Variants in FOXP2 observed in about 807,000 individuals in gnomAD.
FOXP2 encodes the protein forkhead box P2, also known as forkhead box protein P2.
A neutral mutation model predicts 115.8 loss-of-function variants in FOXP2; 12 were observed. The ratio of observed to expected loss-of-function variants is 0.10; its 90% CI spans 0.07 to 0.17. The LOEUF (loss-of-function observed/expected upper bound fraction) is 0.17. FOXP2 is among the 10% of genes least tolerant of loss of function. The pLI is 1.00. For missense variants in FOXP2, 629 were observed against 843.5 expected (o/e 0.75, Z 3.15); for synonymous variants, 328 against 297.7 (o/e 1.10, Z -1.05).
intron 2 of FOXP2, among the ~76,000 whole-genome samples, chr7:114,443,073 T>G (rs1024311395): frequency 6.6e-6 from 1 of 152,174 alleles, no homozygotes; most frequent in Non-Finnish European, 1.5e-5. Flanking sequence ...TTATGGTAGG[T>G]CAGATGATGA....
intron 2 of FOXP2, among the ~76,000 whole-genome samples, chr7:114,395,694 A>T (rs1792719789): frequency 6.6e-6 from 1 of 152,088 alleles, no homozygotes. Flanking sequence ...AGAGAGCAGG[A>T]TTAAAAATTT....
intron 2 of FOXP2, among the ~76,000 whole-genome samples, chr7:114,397,993 C>A (rs1237679410): frequency 6.7e-6 from 1 of 150,088 alleles, no homozygotes; most frequent in East Asian, 2.0e-4. Flanking sequence ...TTTTTTTTTT[C>A]TTTTTTTCTC....
At chr7:114,169,253 C>G (rs545838239) in intron 1 of FOXP2, among the ~76,000 whole-genome samples, 16 of 152,322 alleles carry the variant, frequency 1.1e-4, no homozygotes, top group Middle Eastern at 3.4e-3. Context: ...CACAGTCACT[C>G]AATGCCAGCT....
intron 1 of FOXP2, among the ~76,000 whole-genome samples, chr7:114,253,173 C>T (rs918623211): frequency 6.6e-6 from 1 of 152,070 alleles, no homozygotes; most frequent in Admixed American, 6.6e-5. Context: ...GTTATAATTT[C>T]TGTTCTTTTA....
chr7:114,159,173 A>C (rs1003996862), upstream of FOXP2, among the ~76,000 whole-genome samples: 7 of 152,150 alleles, frequency 4.6e-5, no homozygotes, highest in African/African-American at 1.7e-4. Flanking sequence ...CACAAGACTG[A>C]AAAACAGGGT....
intron 1 of FOXP2, among the ~76,000 whole-genome samples, chr7:114,194,312 T>G (rs891672315): frequency 4.6e-5 from 7 of 151,836 alleles, no homozygotes; most frequent in Non-Finnish European, 1.0e-4. Flanking sequence ...TTTTTGCCTT[T>G]TCTTCTTTTA....
chr7:114,200,110 T>A (rs1794021484), intron 1 of FOXP2, among the ~76,000 whole-genome samples: 1 of 152,174 alleles, frequency 6.6e-6, no homozygotes. Flanking sequence ...AAATCAGCCC[T>A]CAATTAATTC....
At chr7:114,256,375 G>T (rs1053965057) in intron 1 of FOXP2, among the ~76,000 whole-genome samples, 1 of 152,280 alleles carries the variant, frequency 6.6e-6, no homozygotes, top group South Asian at 2.1e-4. Flanking sequence ...CCAAAGTGCT[G>T]GGATTATAGG....
chr7:114,610,676 GTT>G (rs147621208), intron 3 of FOXP2, among the ~76,000 whole-genome samples: 4 of 147,502 alleles, frequency 2.7e-5, no homozygotes, highest in Non-Finnish European at 6.0e-5. Context: ...TTCAATTTGT[GTT>G]TTTTTTTTGT....
chr7:114,113,700 T>A (rs1791332843), intron 1 of FOXP2, among the ~76,000 whole-genome samples: 1 of 151,940 alleles, frequency 6.6e-6, no homozygotes, highest in South Asian at 2.1e-4. Flanking sequence ...GATGGGGTCT[T>A]GCTATGTTGT....
chr7:114,171,614 C>G (rs1793141880), intron 1 of FOXP2, among the ~76,000 whole-genome samples: 1 of 152,094 alleles, frequency 6.6e-6, no homozygotes, highest in East Asian at 1.9e-4. Flanking sequence ...CCCAAGAGCT[C>G]CAATGGAGAT....
intron 15 of FOXP2, among the ~76,000 whole-genome samples, 181 bp downstream of exon 15, chr7:114,663,700 A>G (rs1807011215): frequency 6.6e-6 from 1 of 152,066 alleles, no homozygotes; most frequent in Admixed American, 6.6e-5. Context: ...GATGTGAAGA[A>G]GCAAGAAGGA....
chr7:114,327,223 T>C (rs1342377687), intron 2 of FOXP2, among the ~76,000 whole-genome samples: 1 of 152,216 alleles, frequency 6.6e-6, no homozygotes, highest in African/African-American at 2.4e-5. Flanking sequence ...TTTCTTCTCC[T>C]TCTGTTAGCC....
intron 2 of FOXP2, among the ~76,000 whole-genome samples, chr7:114,302,917 C>G (rs940482881): frequency 6.6e-6 from 1 of 152,004 alleles, no homozygotes; most frequent in Non-Finnish European, 1.5e-5. Flanking sequence ...TCCTACAAAT[C>G]CAGGAATGAA....
intron 2 of FOXP2, chr7:114,463,163 G>T: frequency 3.1e-6 from 1 of 323,182 alleles, no homozygotes; most frequent in Non-Finnish European, 6.2e-6. Context: ...GAAGTAGCTA[G>T]GACTACAGGT....
At chr7:114,179,777 A>T (rs1285702165) in intron 1 of FOXP2, among the ~76,000 whole-genome samples, 1 of 152,026 alleles carries the variant, frequency 6.6e-6, no homozygotes, top group Non-Finnish European at 1.5e-5. Flanking sequence ...GCAAACCAAA[A>T]AACTGTGGCC....
At chr7:114,626,533 C>A (rs1403388854) in intron 3 of FOXP2, among the ~76,000 whole-genome samples, 2 of 142,230 alleles carry the variant, frequency 1.4e-5, no homozygotes, top group East Asian at 3.9e-4. Flanking sequence ...GAAGGCATAT[C>A]TCTCTCTCTC....
intron 1 of FOXP2, among the ~76,000 whole-genome samples, chr7:114,244,998 G>A (rs1795246658): frequency 6.6e-6 from 1 of 152,098 alleles, no homozygotes; most frequent in Non-Finnish European, 1.5e-5. Context: ...TCCTGACCTC[G>A]TGATCCGCCC....
chr7:114,297,740 G>T (rs1796778471), intron 2 of FOXP2, among the ~76,000 whole-genome samples: 1 of 152,114 alleles, frequency 6.6e-6, no homozygotes, highest in African/African-American at 2.4e-5. Context: ...GTCAATTTCA[G>T]GGTTCGGGTT....
Sources: allele counts gnomAD v4.1 joint callset (sites outside exome capture counted in the v4.1 genomes callset), GRCh38; gene constraint gnomAD v4.1.1; transcripts MANE v1.5; gene names NCBI Gene and HGNC (gene_info 2026-07-23, HGNC 2026-07-21).